PPP2R5E: variants seen among roughly 807,000 people sequenced by gnomAD.
The protein encoded by PPP2R5E is serine/threonine-protein phosphatase 2A 56 kDa regulatory subunit epsilon isoform.
In PPP2R5E, 4 loss-of-function variants were observed where a neutral mutation model predicts 65.3. That is an observed-to-expected ratio of 0.06 (90% CI 0.03 to 0.14). The LOEUF (loss-of-function observed/expected upper bound fraction) is 0.14. Among genes scored for constraint, PPP2R5E ranks in the 10% least tolerant of loss-of-function variants. The pLI is 1.00. For missense variants in PPP2R5E, 274 were observed against 556.1 expected (o/e 0.49, Z 5.10); for synonymous variants, 183 against 187.4 (o/e 0.98, Z 0.19).
chr14:63,419,246 A>G (rs1182909495), intron 4 of PPP2R5E, among the ~76,000 whole-genome samples: 1 of 152,114 alleles, frequency 6.6e-6, no homozygotes, highest in Non-Finnish European at 1.5e-5. Flanking sequence ...CAACAACCAC[A>G]TCTCAATGTC....
intron 2 of PPP2R5E, among the ~76,000 whole-genome samples, chr14:63,494,508 T>C (rs894000065): frequency 4.0e-5 from 6 of 150,426 alleles, no homozygotes; most frequent in African/African-American, 1.5e-4. Flanking sequence ...GTGCTGGGAT[T>C]ACAAGCGTGA....
intron 3 of PPP2R5E, among the ~76,000 whole-genome samples, chr14:63,448,444 A>G (rs1888630096): frequency 6.6e-6 from 1 of 152,226 alleles, no homozygotes; most frequent in African/African-American, 2.4e-5. Flanking sequence ...AAAGGGGCAT[A>G]TGCTGTTGGA....
At chr14:63,416,577 A>C (rs986167683) in intron 4 of PPP2R5E, among the ~76,000 whole-genome samples, 1 of 151,980 alleles carries the variant, frequency 6.6e-6, no homozygotes, top group Non-Finnish European at 1.5e-5. Flanking sequence ...AGGACCCCAA[A>C]GCTTTTGTTT....
At chr14:63,526,852 C>T (rs772691330) in intron 2 of PPP2R5E, among the ~76,000 whole-genome samples, 7 of 152,224 alleles carry the variant, frequency 4.6e-5, no homozygotes, top group Admixed American at 1.3e-4. Flanking sequence ...TGAGCTACTG[C>T]GCCCAGCCTA....
chr14:63,512,078 T>TAA (rs57623942), intron 2 of PPP2R5E, among the ~76,000 whole-genome samples: 108 of 87,062 alleles, frequency 1.2e-3, no homozygotes, highest in Middle Eastern at 8.1e-3. Context: ...GACTCTGCGG[T>TAA]AAAAAAAAAA....
chr14:63,482,490 C>A (rs774703339), intron 2 of PPP2R5E, among the ~76,000 whole-genome samples: 2 of 152,038 alleles, frequency 1.3e-5, no homozygotes, highest in African/African-American at 2.4e-5. Context: ...AAAACTGTTG[C>A]CATGAGTCAC....
rs147850308 is a variant in PPP2R5E, at chr14:63,425,651, T to C, written c.355-3557A>G. 1.2e-4 allele frequency among the ~76,000 whole-genome samples: 19 copies of C among 152,364 alleles called. No homozygotes were observed. The East Asian group carries it at 2.7e-3, about 22-fold the overall frequency. ...ATCTGTTTAGGTATTTGTCTCTCCC[T>C]ACTAATAACTAATTAGGAATATACA... On this transcript the variant is annotated intron_variant, in intron 3 of 13. Transcript: ENST00000337537.
In PPP2R5E at chr14:63,394,986, T is replaced by G. The variant is rs552684182; in HGVS notation, c.740+240A>C. ...ATTAGATGTACCATCTTTCTAGTAATGAATGAACTGTCAGCTCTTTCAGTC... is the reference window on the plus strand; with the variant it reads ...ATTAGATGTACCATCTTTCTAGTAAGGAATGAACTGTCAGCTCTTTCAGTC... On this transcript the variant is annotated intron_variant, in intron 7 of 13. Coordinates refer to ENST00000337537, the MANE Select transcript of PPP2R5E (RefSeq NM_006246.5). Among the ~76,000 whole-genome samples, 61 of 152,354 alleles carry G rather than the reference T, an allele frequency of 4.0e-4. 1 individual carries two copies. Among genetic ancestry groups the G allele is most frequent in the African/African-American group, 1.4e-3 (57 of 41,580 alleles).
intron 2 of PPP2R5E, among the ~76,000 whole-genome samples, chr14:63,535,414 T>C (rs1312070935): frequency 6.6e-6 from 1 of 150,430 alleles, no homozygotes; most frequent in Non-Finnish European, 1.5e-5. Context: ...AGAGCAAAAC[T>C]CCATCTCAAA....
At chr14:63,523,166 T>G (rs1893031981) in intron 2 of PPP2R5E, among the ~76,000 whole-genome samples, 8 of 145,628 alleles carry the variant, frequency 5.5e-5, no homozygotes, top group South Asian at 2.2e-4. Context: ...TACTGGGAGG[T>G]GAGGAGCCCC....
intron 11 of PPP2R5E, among the ~76,000 whole-genome samples, chr14:63,388,175 T>A (rs922453963): frequency 6.6e-6 from 1 of 151,962 alleles, no homozygotes; most frequent in Admixed American, 6.6e-5. Flanking sequence ...AGTTTCGCTC[T>A]TGTTGCCCAG....
intron 3 of PPP2R5E, among the ~76,000 whole-genome samples, chr14:63,443,600 T>C (rs1413659323): frequency 2.0e-5 from 3 of 152,110 alleles, no homozygotes; most frequent in Non-Finnish European, 2.9e-5. Flanking sequence ...TAGAGTTCCA[T>C]CATTGTTCTT....
intron 2 of PPP2R5E, among the ~76,000 whole-genome samples, chr14:63,505,636 A>C (rs1445955349): frequency 3.3e-5 from 5 of 152,150 alleles, no homozygotes; most frequent in Admixed American, 1.3e-4. Context: ...CACACTCTAC[A>C]ATCTGAATCT....
chr14:63,420,011 C>G (rs61995010), intron 4 of PPP2R5E, among the ~76,000 whole-genome samples: 1 of 151,602 alleles, frequency 6.6e-6, no homozygotes, highest in East Asian at 2.0e-4. Context: ...CTGTATTTTA[C>G]AGAGTCATTA....
chr14:63,442,082 C>A (rs1888267245), intron 3 of PPP2R5E, among the ~76,000 whole-genome samples: 2 of 152,038 alleles, frequency 1.3e-5, no homozygotes, highest in Non-Finnish European at 2.9e-5. Flanking sequence ...AAGTACAGAC[C>A]AGTTTCCCTA....
At chr14:63,378,284 C>T (rs1884104055) in intron 13 of PPP2R5E, among the ~76,000 whole-genome samples, 1 of 152,182 alleles carries the variant, frequency 6.6e-6, no homozygotes, top group African/African-American at 2.4e-5. Context: ...TTCAGGTTCA[C>T]ATTGCCCTAA....
intron 2 of PPP2R5E, among the ~76,000 whole-genome samples, chr14:63,521,359 G>A (rs1195809802): frequency 2.6e-5 from 4 of 152,022 alleles, no homozygotes; most frequent in East Asian, 3.9e-4. Context: ...TCTAGAAGAC[G>A]GGTTACTATT....
At chr14:63,415,053 G>C in intron 5 of PPP2R5E, 87 bp downstream of exon 5, 1 of 918,728 alleles carries the variant, frequency 1.1e-6, no homozygotes. Flanking sequence ...AACTGTCATT[G>C]CAAAACTTTT....
chr14:63,514,913 A>T (rs1346984368), intron 2 of PPP2R5E, among the ~76,000 whole-genome samples: 1 of 152,222 alleles, frequency 6.6e-6, no homozygotes, highest in East Asian at 1.9e-4. Context: ...CTGTGAGGTC[A>T]TCTGTCCAAA....
Sources: gnomAD v4.1 joint callset for allele counts (sites outside exome capture counted in the v4.1 genomes callset) on GRCh38, gnomAD v4.1.1 for gene constraint, MANE v1.5 for transcripts, NCBI Gene and HGNC (gene_info 2026-07-23, HGNC 2026-07-21) for gene names.